Variants in MBNL2 observed in about 807,000 individuals in gnomAD.
MBNL2 encodes the protein muscleblind like splicing regulator 2.
In MBNL2, 17 loss-of-function variants were observed where a neutral mutation model predicts 41.9. The ratio of observed to expected loss-of-function variants is 0.41; its 90% confidence interval spans 0.28 to 0.61. MBNL2 has a LOEUF of 0.61. Among genes scored for constraint, MBNL2 ranks in the 20% least tolerant of loss-of-function variants. The pLI is 0.35. For synonymous variants in MBNL2, 195 were observed against 182.9 expected, an observed-to-expected ratio of 1.07 and a Z score of -0.53; for missense variants, 336 against 505.6, an observed-to-expected ratio of 0.66 and a Z score of 3.22.
chr13:97,256,352 A>G (rs565979216), intron 1 of MBNL2, among the ~76,000 whole-genome samples: 1 of 148,898 alleles, frequency 6.7e-6, no homozygotes, highest in Admixed American at 6.7e-5. Context: ...TTTTTAATCA[A>G]TTTTTTTTTT....
intron 2 of MBNL2, among the ~76,000 whole-genome samples, chr13:97,302,195 C>T (rs1001528337): frequency 3.9e-5 from 6 of 152,152 alleles, no homozygotes; most frequent in African/African-American, 1.4e-4. Context: ...ACTCTCTGAC[C>T]CAAGCCATAA....
the MBNL2 span, among the ~76,000 whole-genome samples, chr13:97,167,387 T>A: frequency 1.4e-5 from 1 of 70,426 alleles, no homozygotes; most frequent in Non-Finnish European, 2.8e-5. Flanking sequence ...TAATGCTTTA[T>A]GTAAAAAAAA....
At chr13:97,235,719 G>A (rs1425168830) in intron 1 of MBNL2, among the ~76,000 whole-genome samples, 1 of 152,136 alleles carries the variant, frequency 6.6e-6, no homozygotes, top group Admixed American at 6.5e-5. Flanking sequence ...GCTGTTGTCC[G>A]AACCCTCTGT....
intron 1 of MBNL2, among the ~76,000 whole-genome samples, chr13:97,261,543 T>G (rs1189854499): frequency 1.3e-5 from 2 of 152,202 alleles, no homozygotes; most frequent in African/African-American, 4.8e-5. Context: ...CAAGGGTAGA[T>G]GGAGACAGCA....
the MBNL2 span, among the ~76,000 whole-genome samples, chr13:97,176,615 T>C: frequency 6.6e-6 from 1 of 152,176 alleles, no homozygotes; most frequent in Non-Finnish European, 1.5e-5. Context: ...AACAGCATCA[T>C]TAATGAGTAC....
intron 7 of MBNL2, among the ~76,000 whole-genome samples, chr13:97,364,691 C>T (rs1041811370): frequency 9.9e-5 from 15 of 152,196 alleles, no homozygotes; most frequent in African/African-American, 2.4e-4. Flanking sequence ...CCTGGATTTA[C>T]GAAGAGAATT....
At chr13:97,382,741 C>G (rs898872888) in intron 8 of MBNL2, among the ~76,000 whole-genome samples, 4 of 148,586 alleles carry the variant, frequency 2.7e-5, no homozygotes, top group African/African-American at 1.0e-4. Context: ...GTGGCGCCAT[C>G]TTGGCTCACC....
chr13:97,159,094 T>A, the MBNL2 span, among the ~76,000 whole-genome samples: 8 of 152,228 alleles, frequency 5.3e-5, no homozygotes, highest in Middle Eastern at 3.4e-3. Flanking sequence ...ATTGGGTGCA[T>A]ATATATTTAT....
intron 1 of MBNL2, among the ~76,000 whole-genome samples, chr13:97,245,538 T>C (rs939802839): frequency 6.6e-6 from 1 of 152,290 alleles, no homozygotes; most frequent in South Asian, 2.1e-4. Flanking sequence ...AAGTTGAAGG[T>C]TCTTTCTGCA....
At chr13:97,160,821 T>G in the MBNL2 span, among the ~76,000 whole-genome samples, 1 of 152,242 alleles carries the variant, frequency 6.6e-6, no homozygotes, top group Non-Finnish European at 1.5e-5. Context: ...TTATTTTATT[T>G]CACTAATCAA....
At chr13:97,315,798 G>A (rs1329375967) in intron 2 of MBNL2, among the ~76,000 whole-genome samples, 1 of 151,934 alleles carries the variant, frequency 6.6e-6, no homozygotes, top group Non-Finnish European at 1.5e-5. Flanking sequence ...TCATGGGTGA[G>A]GATGTGGAAG....
chr13:97,364,869 A>T (rs1361243649), intron 7 of MBNL2, among the ~76,000 whole-genome samples: 1 of 152,216 alleles, frequency 6.6e-6, no homozygotes, highest in Non-Finnish European at 1.5e-5. Flanking sequence ...GCATTATCAC[A>T]TGTCATTCTT....
the MBNL2 span, among the ~76,000 whole-genome samples, chr13:97,187,593 TAAAAAAAAAAAAAAAAAA>T: frequency 1.9e-5 from 1 of 51,480 alleles, no homozygotes; most frequent in Non-Finnish European, 3.5e-5. Context: ...CTATGCAGCT[TAAAAAAAAAAAAAAAAAA>T]AAAAAAAAAA....
intron 2 of MBNL2, among the ~76,000 whole-genome samples, chr13:97,289,606 C>T (rs1363764993): frequency 6.6e-6 from 1 of 152,180 alleles, no homozygotes; most frequent in Non-Finnish European, 1.5e-5. Flanking sequence ...TTCTAGGGAA[C>T]TTTAAATCTC....
At chr13:97,367,322 C>A (rs961059941) in intron 8 of MBNL2, among the ~76,000 whole-genome samples, 1 of 152,166 alleles carries the variant, frequency 6.6e-6, no homozygotes, top group Admixed American at 6.6e-5. Context: ...GTGCTCCTAG[C>A]CACAAGGAGA....
the MBNL2 span, among the ~76,000 whole-genome samples, chr13:97,200,104 C>T: frequency 6.6e-6 from 1 of 152,236 alleles, no homozygotes; most frequent in Non-Finnish European, 1.5e-5. Flanking sequence ...CAAATGGGAG[C>T]CTGCATCTTT....
intron 2 of MBNL2, among the ~76,000 whole-genome samples, chr13:97,315,432 G>A (rs949313487): frequency 3.3e-5 from 5 of 152,198 alleles, no homozygotes; most frequent in Non-Finnish European, 1.5e-5. Flanking sequence ...TTCTGCTCAT[G>A]AGAAACTTAC....
intron 1 of MBNL2, among the ~76,000 whole-genome samples, chr13:97,228,779 C>G (rs995145328): frequency 6.6e-6 from 1 of 152,060 alleles, no homozygotes; most frequent in Admixed American, 6.5e-5. Context: ...ATCCACCCGC[C>G]TCAGCCTCCC....
chr13:97,195,389 C>T, the MBNL2 span, among the ~76,000 whole-genome samples: 1 of 152,228 alleles, frequency 6.6e-6, no homozygotes, highest in East Asian at 1.9e-4. Context: ...ACCCTGCTCT[C>T]CTGTAGACTG....
Sources: gnomAD v4.1 joint callset for allele counts (sites outside exome capture counted in the v4.1 genomes callset) on GRCh38, gnomAD v4.1.1 for gene constraint, MANE v1.5 for transcripts, NCBI Gene and HGNC (gene_info 2026-07-23, HGNC 2026-07-21) for gene names.